ZC3H7A: variants seen among roughly 807,000 people sequenced by gnomAD.
ZC3H7A encodes the protein zinc finger CCCH domain-containing protein 7A.
In ZC3H7A, 44 loss-of-function variants were observed where a neutral mutation model predicts 125.5. The ratio of observed to expected loss-of-function variants is 0.35; its 90% CI spans 0.28 to 0.45. ZC3H7A has a LOEUF of 0.45. Ranked by LOEUF, ZC3H7A falls within the 20% of genes least tolerant of loss-of-function variation. The probability of loss-of-function intolerance (pLI) is 1.00; values close to 1 mark genes in which losing one functional copy is unlikely to be tolerated. For synonymous variants in ZC3H7A, 399 were observed against 391.2 expected, an observed-to-expected ratio of 1.02 and a Z score of -0.23; for missense variants, 977 against 1,170.7, an observed-to-expected ratio of 0.83 and a Z score of 2.41.
chr16:11,763,333 T>C (rs981891496), intron 16 of ZC3H7A, 145 bp downstream of exon 16: 10 of 731,504 alleles, frequency 1.4e-5, no homozygotes, highest in Non-Finnish European at 1.7e-5. Flanking sequence ...GGTCTTGAAC[T>C]CCTGACCTCA....
At position 11,788,013 on chromosome 16, in the gene ZC3H7A, T is replaced by C. The variant is rs570509433; in HGVS notation, c.-34-5625A>G. 1.0e-3 allele frequency among the ~76,000 whole-genome samples: 158 copies of C among 152,270 alleles called. 1 individual carries two copies. Among genetic ancestry groups the C allele is most frequent in the East Asian group, 1.2e-3 (6 of 5,178 alleles). ...CCCTCGTCCAGCCCCATACTCCTTT[T>C]TTTAAAGAAAGAAAAAGACGTTTAA... On this transcript the variant is annotated intron_variant, in intron 1 of 22. Transcript: ENST00000355758.
In ZC3H7A at chr16:11,768,230, T is replaced by A. The variant is rs900668029; in HGVS notation, c.1360+85A>T. On this transcript the variant is annotated intron_variant, in intron 12 of 22. Coordinates refer to ENST00000355758, the MANE Select transcript of ZC3H7A (RefSeq NM_014153.4). The stretch of plus-strand genomic sequence containing the variant: ...TGAAGAACCATAATAACTGATGTTG[T>A]TAACATGTATTTACAAATTCCTAAG... 5.0e-5 allele frequency: 63 copies of A among 1,261,958 alleles called. No individual in the cohort carries two copies. In the Middle Eastern group the frequency reaches 1.6e-3, roughly 33 times the overall value. The allele number at this position is 1,261,958 out of a possible 1,614,324, so 78.2% of individuals were successfully genotyped here. A position where few individuals can be genotyped will look rare whatever the true frequency, so the allele number is the denominator to read the frequency against.
chr16:11,768,518 A>ACT lies in ZC3H7A; in HGVS notation c.1174-18_1174-17insAG. The ACT allele has an allele frequency of 7.1e-7, 1 of 1,400,360 alleles. No homozygotes were observed. The highest frequency in any genetic ancestry group is 9.3e-7 in the Non-Finnish European group (1 of 1,077,252). The allele number at this position is 1,400,360 out of a possible 1,614,324, so 86.7% of individuals were successfully genotyped here. On this transcript the variant is annotated splice_polypyrimidine_tract_variant and intron_variant, in intron 11 of 22. Coordinates refer to ENST00000355758, the MANE Select transcript of ZC3H7A (RefSeq NM_014153.4). ...TCCATTCATCTGCAAGAAAAATAAGAAGAAAAAAAAAAAAAACAGCCAACA... is the reference window on the plus strand; with the variant it reads ...TCCATTCATCTGCAAGAAAAATAAGACTAGAAAAAAAAAAAAAACAGCCAACA...
chr16:11,756,255 T>C lies in ZC3H7A; in HGVS notation c.2544A>G (p.Thr848=), dbSNP rs2052647221. 6.2e-7 allele frequency: 1 copy of C among 1,614,004 alleles called. No individual in the cohort carries two copies. The highest frequency in any genetic ancestry group is 2.2e-5 in the East Asian group (1 of 44,888). The change falls in exon 21 of 23, where the codon ACA becomes ACG. Residue 848 remains threonine, a synonymous_variant. Coordinates refer to ENST00000355758, the MANE Select transcript of ZC3H7A (RefSeq NM_014153.4). ...KENGKQIHMP[T]DYAEVTVDFH... is the part of the protein sequence containing the mutation. Reference sequence around the variant, plus strand: ...TACTCACTGTAACTTCAGCATAATCTGTTGGCATGTGAATTTGTTTTCCAT... The same window carrying C: ...TACTCACTGTAACTTCAGCATAATCCGTTGGCATGTGAATTTGTTTTCCAT...
At chr16:11,790,608 C>G (rs1487145025) in intron 1 of ZC3H7A, among the ~76,000 whole-genome samples, 1 of 151,646 alleles carries the variant, frequency 6.6e-6, no homozygotes, top group Non-Finnish European at 1.5e-5. Context: ...GGCACGATCT[C>G]GGCTCATTGC....
intron 19 of ZC3H7A, among the ~76,000 whole-genome samples, chr16:11,760,794 T>C (rs35309671): frequency 0.024 from 3,676 of 152,318 alleles, 68 homozygotes; most frequent in Non-Finnish European, 0.039. Context: ...CAGACAATCA[T>C]CTTCAAGATC....
chr16:11,787,485 A>G (rs2053275098), intron 1 of ZC3H7A, among the ~76,000 whole-genome samples: 1 of 152,042 alleles, frequency 6.6e-6, no homozygotes, highest in Non-Finnish European at 1.5e-5. Flanking sequence ...TTTTTGACAC[A>G]AGGTCTTACC....
intron 16 of ZC3H7A, chr16:11,763,162 T>C (rs1268583003): frequency 1.2e-5 from 3 of 249,964 alleles, no homozygotes; most frequent in East Asian, 1.6e-4. Flanking sequence ...GACTGGAGCG[T>C]AGTGTTGTGA....
At chr16:11,791,264 CAT>C (rs945245205) in intron 1 of ZC3H7A, among the ~76,000 whole-genome samples, 15 of 152,088 alleles carry the variant, frequency 9.9e-5, no homozygotes, top group African/African-American at 3.1e-4. Context: ...CAGCTTCACA[CAT>C]GAGGCTCCCG....
In ZC3H7A at chr16:11,774,465, C is replaced by T. The variant is rs750113755; in HGVS notation, c.674G>A (p.Ser225Asn). Residue 225 changes from serine to asparagine, a missense_variant, in exon 9 of 23, where the codon AGT becomes AAT. Around this residue, in one of 3 missense-constraint regions of ZC3H7A, gnomAD observed 342 missense variants for 311.3 expected, o/e 1.10. Transcript: ENST00000355758. ...CTCACTTCCAACTTCATGAGAAAAA[C>T]TGGGTGCCGGTAAAGAGACAACAGG... ...AVPVVSLPAP[S>N]FSHEVGSELA... 25 of 1,588,028 alleles carry T rather than the reference C, an allele frequency of 1.6e-5. No individual in the cohort carries two copies. In the South Asian group the frequency reaches 2.4e-4, roughly 15 times the overall value.
chr16:11,757,673 A>G (rs933508252), intron 20 of ZC3H7A, among the ~76,000 whole-genome samples: 4 of 152,074 alleles, frequency 2.6e-5, no homozygotes, highest in Non-Finnish European at 5.9e-5. Flanking sequence ...TGGTGGCAGG[A>G]GTCATTGCAA....
chr16:11,770,857 T>A lies in ZC3H7A; in HGVS notation c.1034A>T (p.Tyr345Phe). Reference sequence around the variant, plus strand: ...TTCTAAGGATGAAGTCAAAGGTGGATAAAATTCTGAGAAGGAGGGTGGAGG... The same window carrying A: ...TTCTAAGGATGAAGTCAAAGGTGGAAAAAATTCTGAGAAGGAGGGTGGAGG... ...YAPPPSFSEF[Y>F]PPLTSSLEDF... Residue 345 changes from tyrosine to phenylalanine, a missense_variant, in exon 10 of 23, where the codon TAT (tyrosine) becomes TTT (phenylalanine). Transcript: ENST00000355758. 6.2e-7 allele frequency: 1 copy of A among 1,614,082 alleles called. No homozygotes were observed. The highest frequency in any genetic ancestry group is 1.1e-5 in the South Asian group (1 of 91,082).
At position 11,769,784 on chromosome 16, in the gene ZC3H7A, C is replaced by CTTTTTTTTTT. The variant is rs200241879; in HGVS notation, c.1109-699_1109-690dup. Among the ~76,000 whole-genome samples, 566 of 61,578 alleles carry CTTTTTTTTTT rather than the reference C, an allele frequency of 9.2e-3. 47 individuals are homozygous for CTTTTTTTTTT. Among genetic ancestry groups the CTTTTTTTTTT allele is most frequent in the African/African-American group, 0.024 (243 of 10,258 alleles). The allele number at this position is 61,578 out of a possible 152,430, so 40.4% of individuals were successfully genotyped here. ...AATCAGTAAAGTTTTCAATTGCTTT[C>CTTTTTTTTTT]TTTTTTTTTTTTTTTTTTTTTTTGA... On this transcript the variant is annotated intron_variant, in intron 10 of 22. Coordinates refer to ENST00000355758, the MANE Select transcript of ZC3H7A (RefSeq NM_014153.4).
intron 15 of ZC3H7A, 83 bp downstream of exon 15, chr16:11,764,970 G>T: frequency 2.2e-6 from 2 of 908,134 alleles, no homozygotes; most frequent in Non-Finnish European, 3.3e-6. Context: ...GCAATGCCTG[G>T]ACAGACATTA....
At chr16:11,785,266 G>A (rs1482775733) in intron 1 of ZC3H7A, among the ~76,000 whole-genome samples, 1 of 152,124 alleles carries the variant, frequency 6.6e-6, no homozygotes, top group African/African-American at 2.4e-5. Context: ...TAGAGCCTGT[G>A]AGGTCGAGGT....
At chr16:11,756,451 G>C (rs1415054445) in intron 20 of ZC3H7A, 81 bp from the exon 21 acceptor site, 4 of 1,541,676 alleles carry the variant, frequency 2.6e-6, no homozygotes, top group Admixed American at 1.9e-5. Context: ...TTTTGTAGCA[G>C]TCAGCATACA....
At chr16:11,754,893 C>CAAAAAAAAAA (rs35345665) in intron 21 of ZC3H7A, among the ~76,000 whole-genome samples, 2 of 68,868 alleles carry the variant, frequency 2.9e-5, no homozygotes, top group African/African-American at 6.2e-5. Flanking sequence ...CTCCGTCTCA[C>CAAAAAAAAAA]AAAAAAAAAA....
rs13338039 is a variant in ZC3H7A at position 11,763,676 on chromosome 16, G to C, written c.1821-17C>G. 7.1e-7 allele frequency: 1 copy of C among 1,404,342 alleles called. No individual in the cohort carries two copies. The highest frequency in any genetic ancestry group is 9.5e-7 in the Non-Finnish European group (1 of 1,052,206). 87.0% of individuals were successfully genotyped at this position (1,404,342 alleles called of 1,614,324 possible). Reference sequence around the variant, plus strand: ...ACAAGGCACCTAAGATGAAAACAGTGACATTTTAATATTGTTCTGCCATAG... The same window carrying C: ...ACAAGGCACCTAAGATGAAAACAGTCACATTTTAATATTGTTCTGCCATAG... On this transcript the variant is annotated splice_polypyrimidine_tract_variant and intron_variant, in intron 15 of 22. Coordinates refer to ENST00000355758, the MANE Select transcript of ZC3H7A (RefSeq NM_014153.4).
At chr16:11,752,253 T>G (rs1323414705) in intron 22 of ZC3H7A, among the ~76,000 whole-genome samples, 1 of 152,192 alleles carries the variant, frequency 6.6e-6, no homozygotes, top group Admixed American at 6.5e-5. Context: ...TGATACATAT[T>G]AACATCTTCC....
Sources: allele counts gnomAD v4.1 joint callset (sites outside exome capture counted in the v4.1 genomes callset), GRCh38; gene constraint gnomAD v4.1.1; regional missense constraint gnomAD v4.1.1; transcripts MANE v1.5; gene names NCBI Gene and HGNC (gene_info 2026-07-23, HGNC 2026-07-21).